The following SLC24A2 variants were observed in gnomAD, a reference collection of about 807,000 sequenced individuals.
The protein encoded by SLC24A2 is solute carrier family 24 member 2, also known as sodium/potassium/calcium exchanger 2.
A neutral mutation model predicts 62.0 loss-of-function variants in SLC24A2; 36 were observed. That is an observed-to-expected ratio of 0.58 (90% CI 0.44 to 0.77). The LOEUF is 0.77. Among genes scored for constraint, SLC24A2 ranks in the 30% least tolerant of loss-of-function variants. The probability of loss-of-function intolerance (pLI) is 0.00; values close to 1 mark genes in which losing one functional copy is unlikely to be tolerated. For synonymous variants in SLC24A2, 358 were observed against 294.0 expected (o/e 1.22, Z -2.23); for missense variants, 846 against 817.9 (o/e 1.03, Z -0.42).
intron 2 of SLC24A2, among the ~76,000 whole-genome samples, chr9:19,656,021 G>T (rs1178630686): frequency 6.6e-6 from 1 of 152,074 alleles, no homozygotes; most frequent in Non-Finnish European, 1.5e-5. Flanking sequence ...ACTGTCTCCC[G>T]GTTGGATTTC....
chr9:19,924,437 C>A, the SLC24A2 span, among the ~76,000 whole-genome samples: 2 of 152,194 alleles, frequency 1.3e-5, no homozygotes, highest in African/African-American at 4.8e-5. Context: ...TTCCCCTTTT[C>A]TTGACTTACA....
chr9:20,279,492 T>C, the SLC24A2 span, among the ~76,000 whole-genome samples: 2 of 152,112 alleles, frequency 1.3e-5, no homozygotes, highest in Non-Finnish European at 2.9e-5. Context: ...GATCACGCCA[T>C]TGCACTCCAG....
chr9:19,808,664 C>T, the SLC24A2 span, among the ~76,000 whole-genome samples: 13 of 152,202 alleles, frequency 8.5e-5, no homozygotes, highest in Non-Finnish European at 1.8e-4. The surrounding 1 kb of genome is among the most constrained non-coding windows in gnomAD (Gnocchi z 4.1). Context: ...TGGTTGAGCA[C>T]TATGGGGTTA....
the SLC24A2 span, among the ~76,000 whole-genome samples, chr9:19,854,189 C>A: frequency 1.3e-5 from 2 of 152,172 alleles, no homozygotes; most frequent in South Asian, 4.2e-4. Flanking sequence ...ATTCTTCTCT[C>A]TTTTCTTCTT....
chr9:19,646,026 C>T (rs1171687090), intron 2 of SLC24A2, among the ~76,000 whole-genome samples: 1 of 152,172 alleles, frequency 6.6e-6, no homozygotes, highest in African/African-American at 2.4e-5. Context: ...TTGTGATCAT[C>T]CTTTCTATGG....
chr9:19,718,482 T>C (rs1256791854), intron 2 of SLC24A2, among the ~76,000 whole-genome samples: 2 of 100,590 alleles, frequency 2.0e-5, no homozygotes, highest in African/African-American at 4.4e-5. Flanking sequence ...TTTTTTTTTT[T>C]GTAATTTTTG....
chr9:19,992,403 T>C, the SLC24A2 span, among the ~76,000 whole-genome samples: 21 of 152,216 alleles, frequency 1.4e-4, no homozygotes, highest in African/African-American at 4.6e-4. Flanking sequence ...AACTGATGGC[T>C]ATGCATCATG....
Position 19,509,099 on chromosome 9 carries a change from C to T in SLC24A2, c.*7054G>A, listed in dbSNP as rs150659382. On this transcript the variant is annotated 3_prime_UTR_variant, in exon 11 of 11. Transcript: ENST00000341998. ...ATTTATATAAAAGCTCAAACACATC[C>T]TACATTTCCCAGGTATATGTTTGCT... 70 of 152,190 alleles carry T rather than the reference C, an allele frequency of 4.6e-4. No homozygotes were observed. The highest frequency in any genetic ancestry group is 1.7e-3 in the African/African-American group (69 of 41,536). 9.4% of individuals were successfully genotyped at this position (152,190 alleles called of 1,614,324 possible). A position where few individuals can be genotyped will look rare whatever the true frequency, so the allele number is the denominator to read the frequency against.
At chr9:20,279,690 C>A in the SLC24A2 span, among the ~76,000 whole-genome samples, 1 of 152,182 alleles carries the variant, frequency 6.6e-6, no homozygotes, top group Admixed American at 6.5e-5. Context: ...AGGGATCATA[C>A]ATTCTTACTG....
At chr9:19,950,437 C>A in the SLC24A2 span, among the ~76,000 whole-genome samples, 1 of 152,018 alleles carries the variant, frequency 6.6e-6, no homozygotes, top group African/African-American at 2.4e-5. Context: ...TTTGTAACCA[C>A]AGGAAATCTG....
At chr9:19,689,341 A>G (rs1819976236) in intron 2 of SLC24A2, among the ~76,000 whole-genome samples, 1 of 152,176 alleles carries the variant, frequency 6.6e-6, no homozygotes, top group Non-Finnish European at 1.5e-5. Context: ...TCAAAAGGCC[A>G]TATTCTTAGT....
chr9:19,567,707 T>A (rs937156309), intron 7 of SLC24A2, among the ~76,000 whole-genome samples: 17 of 87,524 alleles, frequency 1.9e-4, no homozygotes, highest in Middle Eastern at 6.6e-3. Flanking sequence ...AAAAAAAAAA[T>A]TTGAGAAGGT....
At chr9:20,267,416 G>C in the SLC24A2 span, among the ~76,000 whole-genome samples, 2 of 152,162 alleles carry the variant, frequency 1.3e-5, no homozygotes, top group Non-Finnish European at 2.9e-5. Context: ...GAATGCTGGC[G>C]TCTCCTAGTG....
the SLC24A2 span, among the ~76,000 whole-genome samples, chr9:20,120,470 A>G: frequency 6.6e-6 from 1 of 152,142 alleles, no homozygotes; most frequent in East Asian, 1.9e-4. Context: ...ATCAAATACC[A>G]CTTGTTCTCA....
chr9:20,106,807 C>A, the SLC24A2 span, among the ~76,000 whole-genome samples: 20 of 152,142 alleles, frequency 1.3e-4, no homozygotes, highest in Non-Finnish European at 2.1e-4. Flanking sequence ...GATGCCCTCT[C>A]TCACCACTCC....
the SLC24A2 span, among the ~76,000 whole-genome samples, chr9:20,092,132 A>C: frequency 6.6e-6 from 1 of 152,254 alleles, no homozygotes; most frequent in East Asian, 1.9e-4. Flanking sequence ...AGAAAAAAAT[A>C]ACTATTGGTT....
At position 19,770,761 on chromosome 9, in the gene SLC24A2, A is replaced by C. The variant is rs527581028; in HGVS notation, c.930+15176T>G. On this transcript the variant is annotated intron_variant, in intron 2 of 10. Transcript: ENST00000341998. ...ATTGACCATTCAGTGAGTCAGTAAG[A>C]TCCTCAGAAAGATATTTATTTCCCA... is the stretch of plus-strand genomic sequence containing the variant. Among the ~76,000 whole-genome samples the C allele has an allele frequency of 3.3e-5, 5 of 152,334 alleles. No homozygotes were observed. In the South Asian group the frequency reaches 6.2e-4, roughly 19 times the overall value.
intron 2 of SLC24A2, among the ~76,000 whole-genome samples, chr9:19,770,128 G>A (rs1396005450): frequency 2.6e-5 from 4 of 151,398 alleles, no homozygotes; most frequent in Admixed American, 2.6e-4. Flanking sequence ...AACCTAACTT[G>A]CCTGATTTCT....
At chr9:19,878,261 G>A in the SLC24A2 span, among the ~76,000 whole-genome samples, 1 of 152,152 alleles carries the variant, frequency 6.6e-6, no homozygotes, top group African/African-American at 2.4e-5. Flanking sequence ...GAGACTTTGA[G>A]GCCAATAGGA....
Sources: gnomAD v4.1 joint callset for allele counts (sites outside exome capture counted in the v4.1 genomes callset) on GRCh38, gnomAD v4.1.1 for gene constraint, Gnocchi (gnomAD v3.1) non-coding constraint, MANE v1.5 for transcripts, NCBI Gene and HGNC (gene_info 2026-07-23, HGNC 2026-07-21) for gene names.